Variants in ANKS1B observed in about 807,000 individuals in gnomAD.
ANKS1B encodes ankyrin repeat and sterile alpha motif domain containing 1B.
Under a neutral mutation model 148.3 loss-of-function variants are expected in ANKS1B, and 36 were observed. The observed-to-expected ratio is 0.24, with a 90% CI of 0.19 to 0.32. The LOEUF is 0.32. Ranked by LOEUF, ANKS1B falls within the 10% of genes least tolerant of loss-of-function variation. ANKS1B has a pLI of 1.00. For missense variants in ANKS1B, 1,157 were observed against 1,542.6 expected (o/e 0.75, Z 4.19); for synonymous variants, 542 against 560.8 (o/e 0.97, Z 0.47).
intron 12 of ANKS1B, among the ~76,000 whole-genome samples, chr12:99,391,645 C>T (rs937181004): frequency 6.6e-6 from 1 of 152,188 alleles, no homozygotes. Flanking sequence ...CAACTAATTT[C>T]ATTTGGAGTA....
intron 17 of ANKS1B, among the ~76,000 whole-genome samples, chr12:98,878,182 C>T (rs1205353113): frequency 1.4e-5 from 2 of 147,712 alleles, no homozygotes; most frequent in African/African-American, 2.5e-5. Context: ...CTAATGAGGA[C>T]GTACTACTTG....
At chr12:99,174,772 A>G (rs2078179812) in intron 14 of ANKS1B, among the ~76,000 whole-genome samples, 1 of 152,166 alleles carries the variant, frequency 6.6e-6, no homozygotes, top group South Asian at 2.1e-4. Context: ...ATGCCCCTTT[A>G]TATTTTACAA....
chr12:98,795,611 A>G (rs1232055450), intron 22 of ANKS1B: 4 of 445,610 alleles, frequency 9.0e-6, no homozygotes, highest in East Asian at 7.0e-5. Flanking sequence ...TTTGGAAAGT[A>G]GAATTTCTGG....
chr12:99,596,902 G>A lies in ANKS1B; in HGVS notation c.1272+58165C>T, dbSNP rs907834455. On this transcript the variant is annotated intron_variant, in intron 9 of 26. Coordinates refer to ENST00000683438, the MANE Select transcript of ANKS1B (RefSeq NM_001352186.2). Reference sequence around the variant, plus strand: ...TGCAGGACCGAGGAGACCAGGAGAGGATACTGATGAGCAAAAAATGAATTC... The same window carrying A: ...TGCAGGACCGAGGAGACCAGGAGAGAATACTGATGAGCAAAAAATGAATTC... Among the ~76,000 whole-genome samples the A allele has an allele frequency of 9.2e-5, 14 of 151,852 alleles. 1 individual carries two copies. The highest frequency in any genetic ancestry group is 9.2e-4 in the Admixed American group (14 of 15,210).
At chr12:99,435,532 A>C (rs1176349295) in intron 11 of ANKS1B, among the ~76,000 whole-genome samples, 4 of 151,994 alleles carry the variant, frequency 2.6e-5, no homozygotes, top group African/African-American at 7.2e-5. Context: ...TCTAATCACC[A>C]TTATAATAAC....
At chr12:99,580,296 C>A (rs1228072999) in intron 9 of ANKS1B, among the ~76,000 whole-genome samples, 2 of 152,094 alleles carry the variant, frequency 1.3e-5, no homozygotes, top group Non-Finnish European at 2.9e-5. Flanking sequence ...ACACCAGCAA[C>A]ACACAATTTA....
chr12:99,713,436 G>T (rs10735369), intron 8 of ANKS1B, among the ~76,000 whole-genome samples: 100,744 of 151,960 alleles, frequency 0.66, 33,478 homozygotes, highest in Non-Finnish European at 0.69. Context: ...CTTAATCTAT[G>T]TCTTTCCTCT....
intron 10 of ANKS1B, among the ~76,000 whole-genome samples, chr12:99,455,791 A>G (rs1201265133): frequency 6.6e-6 from 1 of 152,024 alleles, no homozygotes; most frequent in Non-Finnish European, 1.5e-5. Flanking sequence ...CTGAGCTCAG[A>G]CACACCTAAC....
chr12:99,531,694 A>G (rs2096993290), intron 9 of ANKS1B, among the ~76,000 whole-genome samples: 1 of 152,124 alleles, frequency 6.6e-6, no homozygotes, highest in African/African-American at 2.4e-5. Flanking sequence ...CTTTCTAATA[A>G]CTTCCTTTTC....
rs139882085 is a variant in ANKS1B, at chr12:99,880,201, G to C, written c.135-54812C>G. On this transcript the variant is annotated intron_variant, in intron 1 of 26. Coordinates refer to ENST00000683438, the MANE Select transcript of ANKS1B (RefSeq NM_001352186.2). ...GATCAAATTTTCCAAAGTAGTGAGA[G>C]TAATATGCACTAAGCGCCTTACAGA... Among the ~76,000 whole-genome samples the C allele has an allele frequency of 4.2e-4, 64 of 152,264 alleles. 1 individual carries two copies. The highest frequency in any genetic ancestry group is 1.5e-3 in the African/African-American group (61 of 41,562).
chr12:98,778,302 C>T lies in ANKS1B; in HGVS notation c.3441+2815G>A, dbSNP rs144253526. On this transcript the variant is annotated intron_variant, in intron 24 of 26. Transcript: ENST00000683438. ...ACCAGCCTGGCCAACATGGCGAAAT[C>T]CCATCTCTACTAAAAATACAAAAAT... 9.5e-3 allele frequency among the ~76,000 whole-genome samples: 1,439 copies of T among 152,226 alleles called. 31 individuals are homozygous for T. Among genetic ancestry groups the T allele is most frequent in the African/African-American group, 0.033 (1,363 of 41,510 alleles).
chr12:99,204,826 T>C (rs1031260289), intron 14 of ANKS1B, among the ~76,000 whole-genome samples: 18 of 152,198 alleles, frequency 1.2e-4, no homozygotes, highest in Non-Finnish European at 2.5e-4. Flanking sequence ...CACTGTCTTA[T>C]ATTATTTTTC....
intron 17 of ANKS1B, among the ~76,000 whole-genome samples, chr12:98,964,168 T>C (rs1397289441): frequency 6.6e-6 from 1 of 151,950 alleles, no homozygotes; most frequent in African/African-American, 2.4e-5. Context: ...TCAAAAGACA[T>C]ACAAATGACC....
At chr12:99,979,589 C>T (rs1327264019) in intron 1 of ANKS1B, among the ~76,000 whole-genome samples, 1 of 152,008 alleles carries the variant, frequency 6.6e-6, no homozygotes, top group Non-Finnish European at 1.5e-5. Context: ...TATCCAGACC[C>T]AGAAGAATTA....
At chr12:99,300,841 A>C (rs1353609828) in intron 12 of ANKS1B, among the ~76,000 whole-genome samples, 1 of 152,154 alleles carries the variant, frequency 6.6e-6, no homozygotes, top group African/African-American at 2.4e-5. Context: ...GGCTAGAAAA[A>C]AATTTAAAAG....
intron 15 of ANKS1B, among the ~76,000 whole-genome samples, chr12:99,137,615 G>C (rs2068597731): frequency 1.3e-5 from 2 of 152,106 alleles, no homozygotes; most frequent in African/African-American, 2.4e-5. Flanking sequence ...CCTGGCCCCT[G>C]TTTGGTAAAA....
intron 15 of ANKS1B, among the ~76,000 whole-genome samples, chr12:99,118,310 A>G (rs2061897948): frequency 6.6e-6 from 1 of 152,222 alleles, no homozygotes; most frequent in South Asian, 2.1e-4. Flanking sequence ...CCTTGTCCAC[A>G]ATGGAAGCAA....
chr12:99,612,964 T>C lies in ANKS1B; in HGVS notation c.1272+42103A>G, dbSNP rs745411610. ...CTTCAAGTAATGAGTTAGCAAGCTG[T>C]CTAGTGATAACCCTGAGCCAATGGG... On this transcript the variant is annotated intron_variant, in intron 9 of 26. Coordinates refer to ENST00000683438, the MANE Select transcript of ANKS1B (RefSeq NM_001352186.2). Among the ~76,000 whole-genome samples, 7 of 152,180 alleles carry C rather than the reference T, an allele frequency of 4.6e-5. No homozygotes were observed. In the East Asian group the frequency reaches 5.8e-4, roughly 13 times the overall value.
intron 17 of ANKS1B, among the ~76,000 whole-genome samples, chr12:99,032,485 T>A (rs1322449739): frequency 6.6e-6 from 1 of 152,180 alleles, no homozygotes; most frequent in Non-Finnish European, 1.5e-5. Flanking sequence ...GTCTTGTCTT[T>A]ACATGGCCTT....
Sources: gnomAD v4.1 joint callset for allele counts (sites outside exome capture counted in the v4.1 genomes callset) on GRCh38, gnomAD v4.1.1 for gene constraint, MANE v1.5 for transcripts, NCBI Gene and HGNC (gene_info 2026-07-23, HGNC 2026-07-21) for gene names.